NPFFR2: variants seen among roughly 807,000 people sequenced by gnomAD.
NPFFR2 encodes the protein G-protein coupled receptor 74.
In NPFFR2, 15 loss-of-function variants were observed where a neutral mutation model predicts 13.1. The ratio of observed to expected loss-of-function variants is 1.15; its 90% CI spans 0.77 to 1.76. NPFFR2 has a LOEUF of 1.76. Ranked by LOEUF, NPFFR2 falls within the 40% of genes most tolerant of loss-of-function variation. The pLI is 0.00. For missense variants in NPFFR2, 572 were observed against 503.5 expected, an observed-to-expected ratio of 1.14 and a Z score of -1.30; for synonymous variants, 190 against 175.7, an observed-to-expected ratio of 1.08 and a Z score of -0.65.
intron 1 of NPFFR2, among the ~76,000 whole-genome samples, chr4:72,039,978 C>T (rs1447825496): frequency 3.3e-5 from 5 of 152,080 alleles, no homozygotes; most frequent in African/African-American, 1.2e-4. Flanking sequence ...TTATCTTCTT[C>T]AGATGTTTGG....
chr4:72,081,861 T>C (rs1720633825), intron 1 of NPFFR2, among the ~76,000 whole-genome samples: 1 of 152,188 alleles, frequency 6.6e-6, no homozygotes, highest in Non-Finnish European at 1.5e-5. Flanking sequence ...TAGAGTCCAG[T>C]GAACAATTGG....
intron 1 of NPFFR2, among the ~76,000 whole-genome samples, chr4:72,053,941 C>G (rs1719665192): frequency 6.6e-6 from 1 of 151,770 alleles, no homozygotes; most frequent in Non-Finnish European, 1.5e-5. Context: ...CCCTTTTCTC[C>G]TAGTTTTAAA....
chr4:72,082,903 C>T lies in NPFFR2; in HGVS notation c.-7-45682C>T, dbSNP rs146823506. ...TTTATATTCCACATATAATTGCTATCATGCAGCACATTTCTTTCTGTACCC... is the reference window on the plus strand; with the variant it reads ...TTTATATTCCACATATAATTGCTATTATGCAGCACATTTCTTTCTGTACCC... On this transcript the variant is annotated intron_variant, in intron 1 of 3. Transcript: ENST00000308744. 5.6e-3 allele frequency among the ~76,000 whole-genome samples: 857 copies of T among 152,126 alleles called. 7 individuals carry two copies. Among genetic ancestry groups the T allele is most frequent in the African/African-American group, 0.02 (812 of 41,506 alleles).
At chr4:72,115,896 G>A (rs906800138) in intron 1 of NPFFR2, among the ~76,000 whole-genome samples, 11 of 152,116 alleles carry the variant, frequency 7.2e-5, no homozygotes, top group African/African-American at 2.7e-4. Context: ...TTTCGAACAA[G>A]TCATTAAAAT....
At chr4:72,135,244 A>C (rs1323985334) in intron 2 of NPFFR2, among the ~76,000 whole-genome samples, 1 of 152,146 alleles carries the variant, frequency 6.6e-6, no homozygotes, top group Non-Finnish European at 1.5e-5. Context: ...TATGCTTTGA[A>C]GTAAGCCTTT....
At chr4:72,063,892 G>T (rs1719993438) in intron 1 of NPFFR2, among the ~76,000 whole-genome samples, 1 of 152,182 alleles carries the variant, frequency 6.6e-6, no homozygotes, top group Admixed American at 6.5e-5. Flanking sequence ...CAAGACATGA[G>T]AAACAAAATT....
At position 72,068,370 on chromosome 4, in the gene NPFFR2, A is replaced by C. The variant is rs150790151; in HGVS notation, c.-8+36170A>C. On this transcript the variant is annotated intron_variant, in intron 1 of 3. Transcript: ENST00000308744. Reference sequence around the variant, plus strand: ...CAGAAGGCATATGGGCAAGAGGGCCAAACACTGAGTAAAGCTATTTTTATA... The same window carrying C: ...CAGAAGGCATATGGGCAAGAGGGCCCAACACTGAGTAAAGCTATTTTTATA... Among the ~76,000 whole-genome samples the C allele has an allele frequency of 2.0e-5, 3 of 152,316 alleles. No individual in the cohort carries two copies. The East Asian group carries it at 5.8e-4, about 29-fold the overall frequency.
At chr4:72,107,915 T>A (rs1216859383) in intron 1 of NPFFR2, among the ~76,000 whole-genome samples, 1 of 152,084 alleles carries the variant, frequency 6.6e-6, no homozygotes, top group African/African-American at 2.4e-5. Flanking sequence ...TTATGCATAT[T>A]GTATTTTATA....
At chr4:72,082,828 C>T (rs1720667041) in intron 1 of NPFFR2, among the ~76,000 whole-genome samples, 1 of 152,076 alleles carries the variant, frequency 6.6e-6, no homozygotes, top group Admixed American at 6.6e-5. Context: ...CCCCAGCCCC[C>T]ACTCCCTGGT....
chr4:72,088,365 T>C (rs558838873), intron 1 of NPFFR2, among the ~76,000 whole-genome samples: 8 of 152,082 alleles, frequency 5.3e-5, no homozygotes, highest in Admixed American at 3.3e-4. Context: ...TTTTGACCTT[T>C]AAGGGAAGAT....
intron 3 of NPFFR2, chr4:72,146,725 C>CA: frequency 2.4e-6 from 1 of 410,554 alleles, no homozygotes; most frequent in Non-Finnish European, 4.3e-6. Context: ...CGGTTTTAGG[C>CA]ATTCATGTTC....
intron 1 of NPFFR2, among the ~76,000 whole-genome samples, chr4:72,069,238 A>G (rs1330245137): frequency 6.6e-6 from 1 of 152,148 alleles, no homozygotes; most frequent in Non-Finnish European, 1.5e-5. Context: ...CTGTGTGTCA[A>G]AAGAACACTG....
intron 1 of NPFFR2, among the ~76,000 whole-genome samples, chr4:72,120,078 C>T (rs2109826852): frequency 6.6e-6 from 1 of 152,262 alleles, no homozygotes; most frequent in East Asian, 1.9e-4. Context: ...ACCTGGGAGG[C>T]TCCAGCTTAG....
At chr4:72,121,524 G>T (rs1213245861) in intron 1 of NPFFR2, among the ~76,000 whole-genome samples, 1 of 152,110 alleles carries the variant, frequency 6.6e-6, no homozygotes, top group Non-Finnish European at 1.5e-5. Context: ...ACCCACAAAG[G>T]GAAGCCAGTC....
At position 72,117,715 on chromosome 4, in the gene NPFFR2, G is replaced by C. The variant is rs577365171; in HGVS notation, c.-7-10870G>C. Among the ~76,000 whole-genome samples, 21 of 152,296 alleles carry C rather than the reference G, an allele frequency of 1.4e-4. 1 individual carries two copies. The South Asian group carries it at 4.4e-3, about 32-fold the overall frequency. On this transcript the variant is annotated intron_variant, in intron 1 of 3. Coordinates refer to ENST00000308744, the MANE Select transcript of NPFFR2 (RefSeq NM_004885.3). The stretch of plus-strand genomic sequence containing the variant: ...TCCCTCACTTCCAAGAAAGAGTACA[G>C]TGAACTGTTTCCCTGATGGAATGTC...
chr4:72,055,240 C>T (rs1719708457), intron 1 of NPFFR2, among the ~76,000 whole-genome samples: 2 of 151,890 alleles, frequency 1.3e-5, no homozygotes, highest in African/African-American at 4.8e-5. Context: ...TGCCATGTTC[C>T]CATGTTCCCC....
rs115144784 is a variant in NPFFR2 at position 72,099,187 on chromosome 4, T to A, written c.-7-29398T>A. 8.1e-4 allele frequency among the ~76,000 whole-genome samples: 124 copies of A among 152,312 alleles called. 1 individual carries two copies. The highest frequency in any genetic ancestry group is 3.4e-3 in the Middle Eastern group (1 of 294). ...TAGACAAGAAAGCATAACAATCACA[T>A]GCATCTTAGCACTGCTGAGCTTTTA... On this transcript the variant is annotated intron_variant, in intron 1 of 3. Coordinates refer to ENST00000308744, the MANE Select transcript of NPFFR2 (RefSeq NM_004885.3).
chr4:72,062,415 T>G (rs2109775810), intron 1 of NPFFR2, among the ~76,000 whole-genome samples: 1 of 152,278 alleles, frequency 6.6e-6, no homozygotes, highest in East Asian at 1.9e-4. Flanking sequence ...TTTGAATTTC[T>G]CTGGAAGCAT....
At chr4:72,083,725 T>A (rs1720692865) in intron 1 of NPFFR2, among the ~76,000 whole-genome samples, 1 of 152,172 alleles carries the variant, frequency 6.6e-6, no homozygotes, top group Non-Finnish European at 1.5e-5. Context: ...ACCATCAATA[T>A]GCTAATAATT....
Sources: gnomAD v4.1 joint callset for allele counts (sites outside exome capture counted in the v4.1 genomes callset) on GRCh38, gnomAD v4.1.1 for gene constraint, MANE v1.5 for transcripts, NCBI Gene and HGNC (gene_info 2026-07-23, HGNC 2026-07-21) for gene names.